The following PDSS2 variants were observed in gnomAD, a reference collection of about 807,000 sequenced individuals.
PDSS2 encodes all trans-polyprenyl-diphosphate synthase PDSS2.
PDSS2 carries 31 observed loss-of-function variants against 44.5 expected under a neutral mutation model. The ratio of observed to expected loss-of-function variants is 0.70; its 90% CI spans 0.52 to 0.94. The LOEUF (loss-of-function observed/expected upper bound fraction) is 0.94, where lower values mean the gene tolerates loss of function less well. PDSS2 is among the 40% of genes least tolerant of loss of function. The pLI, the probability that PDSS2 is intolerant of heterozygous loss-of-function variation, is 0.00. For synonymous variants in PDSS2, 157 were observed against 180.3 expected (o/e 0.87, Z 1.03); for missense variants, 452 against 482.2 (o/e 0.94, Z 0.59).
intron 1 of PDSS2, among the ~76,000 whole-genome samples, chr6:107,425,803 T>C (rs1780981374): frequency 1.3e-5 from 2 of 151,722 alleles, no homozygotes; most frequent in Non-Finnish European, 2.9e-5. Context: ...CTACTAAAAA[T>C]ACAAAAAATT....
chr6:107,167,991 G>A (rs1305195678), intron 7 of PDSS2, among the ~76,000 whole-genome samples: 1 of 152,122 alleles, frequency 6.6e-6, no homozygotes, highest in African/African-American at 2.4e-5. Context: ...TGTCTATTAG[G>A]TCCGCTTGGT....
At chr6:107,246,218 C>CT (rs67688211) in intron 3 of PDSS2, among the ~76,000 whole-genome samples, 30,289 of 147,000 alleles carry the variant, frequency 0.21, 3,353 homozygotes, top group African/African-American at 0.29. Context: ...AAGGCTGAGA[C>CT]TTTTTTTTTT....
At chr6:107,331,104 C>G (rs957358024) in intron 2 of PDSS2, among the ~76,000 whole-genome samples, 4 of 152,198 alleles carry the variant, frequency 2.6e-5, no homozygotes, top group African/African-American at 9.6e-5. Flanking sequence ...AAAAAGCTCC[C>G]AAATTAGTAC....
chr6:107,230,537 C>T (rs369393356), intron 4 of PDSS2, among the ~76,000 whole-genome samples: 42 of 152,298 alleles, frequency 2.8e-4, no homozygotes, highest in African/African-American at 9.6e-4. Flanking sequence ...TTTATTATCA[C>T]TCACTGTCTT....
chr6:107,319,281 T>C (rs1014768644), intron 2 of PDSS2, among the ~76,000 whole-genome samples: 1 of 152,168 alleles, frequency 6.6e-6, no homozygotes, highest in African/African-American at 2.4e-5. Flanking sequence ...CATTTAAAGC[T>C]GAAGAATTAG....
At chr6:107,405,266 T>C (rs551284058) in intron 1 of PDSS2, among the ~76,000 whole-genome samples, 2 of 152,220 alleles carry the variant, frequency 1.3e-5, no homozygotes, top group Admixed American at 1.3e-4. Context: ...AGACTGGTAG[T>C]ATAAGAAATG....
intron 2 of PDSS2, among the ~76,000 whole-genome samples, chr6:107,300,188 C>T (rs536552688): frequency 6.6e-6 from 1 of 152,278 alleles, no homozygotes; most frequent in African/African-American, 2.4e-5. Flanking sequence ...TGTAAAACTA[C>T]AAATCGTTCT....
chr6:107,213,470 GAAA>G (rs1289820390), intron 4 of PDSS2, among the ~76,000 whole-genome samples: 6 of 150,862 alleles, frequency 4.0e-5, no homozygotes, highest in African/African-American at 1.2e-4. Context: ...CTTAAAAAAA[GAAA>G]AAGAAGGGTG....
chr6:107,423,681 G>A (rs900036737), intron 1 of PDSS2, among the ~76,000 whole-genome samples: 1 of 152,090 alleles, frequency 6.6e-6, no homozygotes, highest in Non-Finnish European at 1.5e-5. Context: ...TTACAGACCT[G>A]AATTAAGAGG....
intron 4 of PDSS2, among the ~76,000 whole-genome samples, chr6:107,235,187 G>A (rs530692815): frequency 6.6e-6 from 1 of 152,274 alleles, no homozygotes; most frequent in African/African-American, 2.4e-5. Context: ...GTTAATTAGG[G>A]GCTAGGGTTC....
intron 2 of PDSS2, among the ~76,000 whole-genome samples, chr6:107,325,613 G>C (rs537540296): frequency 6.6e-6 from 1 of 151,970 alleles, no homozygotes; most frequent in Non-Finnish European, 1.5e-5. Flanking sequence ...ATTTTCACAG[G>C]ATATTTGATC....
Position 107,227,278 on chromosome 6 carries a change from C to CTTTTTTTTTTTTT in PDSS2, c.703-15009_703-14997dup, listed in dbSNP as rs60988844. On this transcript the variant is annotated intron_variant, in intron 4 of 7. Transcript: ENST00000369037. Reference sequence around the variant, plus strand: ...GATTATAGGTGTAAGCCACTGTGCCCTTTTTTTTTTTTTTTTTTTTTTTTT... The same window carrying CTTTTTTTTTTTTT: ...GATTATAGGTGTAAGCCACTGTGCCCTTTTTTTTTTTTTTTTTTTTTTTTTTTTTTTTTTTTTT... Among the ~76,000 whole-genome samples, 655 of 102,650 alleles carry CTTTTTTTTTTTTT rather than the reference C, an allele frequency of 6.4e-3. 54 individuals carry two copies. The highest frequency in any genetic ancestry group is 0.015 in the East Asian group (54 of 3,654). 67.3% of individuals were successfully genotyped at this position (102,650 alleles called of 152,430 possible).
chr6:107,241,921 T>G (rs1385746330), intron 4 of PDSS2, among the ~76,000 whole-genome samples: 1 of 152,024 alleles, frequency 6.6e-6, no homozygotes, highest in East Asian at 1.9e-4. Context: ...GCTACGGAGG[T>G]TGTGCAACAG....
At chr6:107,269,903 GTGATCCGCC>G (rs1205051503) in intron 3 of PDSS2, among the ~76,000 whole-genome samples, 4 of 152,104 alleles carry the variant, frequency 2.6e-5, no homozygotes, top group African/African-American at 4.8e-5. Flanking sequence ...CTGACCTCAA[GTGATCCGCC>G]TGCCTTAGCC....
At chr6:107,220,994 G>C (rs1773583098) in intron 4 of PDSS2, among the ~76,000 whole-genome samples, 1 of 152,190 alleles carries the variant, frequency 6.6e-6, no homozygotes, top group African/African-American at 2.4e-5. Context: ...TCAGATACCA[G>C]ATATACAGAA....
At chr6:107,242,128 C>T (rs1774456791) in intron 4 of PDSS2, among the ~76,000 whole-genome samples, 1 of 152,122 alleles carries the variant, frequency 6.6e-6, no homozygotes, top group Admixed American at 6.6e-5. Flanking sequence ...GAAAAAAAGC[C>T]AGAATTTTTC....
chr6:107,225,284 T>C (rs1230268687), intron 4 of PDSS2, among the ~76,000 whole-genome samples: 2 of 148,632 alleles, frequency 1.3e-5, no homozygotes, highest in African/African-American at 2.5e-5. Flanking sequence ...GTGATTCTCT[T>C]GCCTCAGCCT....
At chr6:107,328,691 C>G (rs1777624680) in intron 2 of PDSS2, among the ~76,000 whole-genome samples, 1 of 152,194 alleles carries the variant, frequency 6.6e-6, no homozygotes, top group African/African-American at 2.4e-5. Context: ...CTACTACTGA[C>G]AGGGACCAAT....
At chr6:107,342,837 C>T (rs1298600368) in intron 1 of PDSS2, among the ~76,000 whole-genome samples, 1 of 152,120 alleles carries the variant, frequency 6.6e-6, no homozygotes, top group Admixed American at 6.6e-5. Context: ...ACAACTTCAC[C>T]ACCACCAAGG....
Sources: allele counts gnomAD v4.1 joint callset (sites outside exome capture counted in the v4.1 genomes callset), GRCh38; gene constraint gnomAD v4.1.1; transcripts MANE v1.5; gene names NCBI Gene and HGNC (gene_info 2026-07-23, HGNC 2026-07-21).